The following MARCHF5 variants were observed in gnomAD, a reference collection of about 807,000 sequenced individuals.
The protein encoded by MARCHF5 is E3 ubiquitin-protein ligase MARCHF5.
In MARCHF5, 5 loss-of-function variants were observed where a neutral mutation model predicts 36.5. The observed-to-expected ratio is 0.14, with a 90% CI of 0.07 to 0.29. The LOEUF (loss-of-function observed/expected upper bound fraction) is 0.29, where lower values mean the gene tolerates loss of function less well. Among genes scored for constraint, MARCHF5 ranks in the 10% least tolerant of loss-of-function variants. MARCHF5 has a pLI of 1.00. For synonymous variants in MARCHF5, 103 were observed against 109.9 expected (o/e 0.94, Z 0.39); for missense variants, 179 against 336.3 (o/e 0.53, Z 3.66).
At chr10:92,295,557 G>A (rs1033169498) in intron 1 of MARCHF5, among the ~76,000 whole-genome samples, 8 of 150,972 alleles carry the variant, frequency 5.3e-5, no homozygotes, top group Admixed American at 1.3e-4. Flanking sequence ...ACAGGCACCC[G>A]CCACTAAGGC....
At chr10:92,309,931 A>G (rs184011558) in intron 1 of MARCHF5, among the ~76,000 whole-genome samples, 7 of 152,286 alleles carry the variant, frequency 4.6e-5, no homozygotes, top group Non-Finnish European at 1.0e-4. Context: ...ATGCTAAACA[A>G]ATGCTACCTA....
At chr10:92,337,184 T>C (rs1843512336) in intron 2 of MARCHF5, among the ~76,000 whole-genome samples, 1 of 150,762 alleles carries the variant, frequency 6.6e-6, no homozygotes, top group Non-Finnish European at 1.5e-5. Context: ...CTAGTGACCT[T>C]GATAAGCAGT....
In MARCHF5 at chr10:92,314,748, GCC is replaced by G. The variant is rs869277487; in HGVS notation, c.238+3419_238+3420del. ...GTATTTGCTGCTGCTGCTTCCCCCC[GCC>G]CCCCCCCGCCAATAGAGGTTGGGTC... On this transcript the variant is annotated intron_variant, in intron 2 of 5. Coordinates refer to ENST00000358935, the MANE Select transcript of MARCHF5 (RefSeq NM_017824.5). Among the ~76,000 whole-genome samples, 18 of 10,664 alleles carry G rather than the reference GCC, an allele frequency of 1.7e-3. 1 individual carries two copies. The highest frequency in any genetic ancestry group is 0.012 in the South Asian group (2 of 168). The allele number at this position is 10,664 out of a possible 152,430, so 7.0% of individuals were successfully genotyped here.
rs1476799658 is a variant in MARCHF5, at chr10:92,351,120, A to T, written c.750A>T (p.Gly250=). 6.2e-7 allele frequency: 1 copy of T among 1,612,490 alleles called. No homozygotes were observed. The highest frequency in any genetic ancestry group is 1.7e-5 in the Admixed American group (1 of 59,898). Reference sequence around the variant, plus strand: ...GAATTGCGTTTGTTGCCATAAAAGGAGCATTTAAAGTTTACTTCAAACAGC... The same window carrying T: ...GAATTGCGTTTGTTGCCATAAAAGGTGCATTTAAAGTTTACTTCAAACAGC... ...LGGIAFVAIK[G]AFKVYFKQQQ... is the part of the protein sequence containing the mutation. The change falls in exon 6 of 6, where the codon GGA becomes GGT. Residue 250 remains glycine, a synonymous_variant. Transcript: ENST00000358935.
chr10:92,309,837 A>T (rs1245601142), intron 1 of MARCHF5, among the ~76,000 whole-genome samples: 6 of 152,220 alleles, frequency 3.9e-5, no homozygotes, highest in East Asian at 1.9e-4. Context: ...AAAATTTTTT[A>T]AAAAAGAACA....
chr10:92,291,711 T>A (rs960605213), intron 1 of MARCHF5, 182 bp downstream of exon 1: 2 of 501,730 alleles, frequency 4.0e-6, no homozygotes, highest in Non-Finnish European at 5.2e-6. Context: ...GCGAGCGGCC[T>A]GGGTCGTAGA....
chr10:92,336,203 T>C (rs1247147941), intron 2 of MARCHF5, among the ~76,000 whole-genome samples: 1 of 152,124 alleles, frequency 6.6e-6, no homozygotes, highest in Admixed American at 6.5e-5. Flanking sequence ...GCCCGGCTAA[T>C]TGTTTGTATT....
chr10:92,303,319 A>G (rs532071570), intron 1 of MARCHF5, among the ~76,000 whole-genome samples: 29 of 152,332 alleles, frequency 1.9e-4, no homozygotes, highest in African/African-American at 7.0e-4. Flanking sequence ...ACATTGGTCT[A>G]TGAATATATG....
rs149447645 is a variant in MARCHF5, at chr10:92,313,559, A to G, written c.238+2222A>G. On this transcript the variant is annotated intron_variant, in intron 2 of 5. Transcript: ENST00000358935. ...GGCAGAGCTTGCAGTGAGCCAAGAT[A>G]GCGCCACAGCACTCCAGCCTGGGAG... Among the ~76,000 whole-genome samples the G allele has an allele frequency of 5.3e-3, 804 of 151,402 alleles. 8 individuals carry two copies. Among genetic ancestry groups the G allele is most frequent in the African/African-American group, 0.019 (764 of 41,214 alleles).
intron 2 of MARCHF5, among the ~76,000 whole-genome samples, chr10:92,314,743 C>CT (rs1843187300): frequency 1.0e-5 from 1 of 95,422 alleles, no homozygotes; most frequent in Non-Finnish European, 1.8e-5. Flanking sequence ...CTGCTGCTTC[C>CT]CCCCGCCCCC....
chr10:92,339,396 G>A (rs1002444255), intron 2 of MARCHF5, among the ~76,000 whole-genome samples: 17 of 149,970 alleles, frequency 1.1e-4, no homozygotes, highest in Admixed American at 4.0e-4. Context: ...CTGGCTGGGT[G>A]CGGTGGCTCA....
At chr10:92,329,703 T>G (rs1843414629) in intron 2 of MARCHF5, among the ~76,000 whole-genome samples, 1 of 152,234 alleles carries the variant, frequency 6.6e-6, no homozygotes, top group Non-Finnish European at 1.5e-5. Context: ...CACTTAGCCT[T>G]CAGAGAAATG....
At chr10:92,333,726 A>G (rs1007574113) in intron 2 of MARCHF5, 18 of 875,538 alleles carry the variant, frequency 2.1e-5, no homozygotes, top group Non-Finnish European at 2.5e-5. Flanking sequence ...TTTGCTGAGA[A>G]GTTGGATTTT....
intron 2 of MARCHF5, among the ~76,000 whole-genome samples, chr10:92,323,555 C>T (rs1449214998): frequency 6.6e-6 from 1 of 152,196 alleles, no homozygotes; most frequent in Non-Finnish European, 1.5e-5. Context: ...TAAAAATCCT[C>T]TATGCTCCAT....
chr10:92,309,239 G>C (rs559276003), intron 1 of MARCHF5, among the ~76,000 whole-genome samples: 1 of 152,130 alleles, frequency 6.6e-6, no homozygotes, highest in African/African-American at 2.4e-5. Flanking sequence ...ATAATAAAAT[G>C]TTTGGGAAAA....
At chr10:92,291,829 C>T (rs985778219) in intron 1 of MARCHF5, among the ~76,000 whole-genome samples, 1 of 147,708 alleles carries the variant, frequency 6.8e-6, no homozygotes, top group African/African-American at 2.7e-5. Context: ...TTACCCTCTT[C>T]CCCTCCCCCT....
chr10:92,291,710 C>CTGGGT, intron 1 of MARCHF5, 181 bp downstream of exon 1: 1 of 516,632 alleles, frequency 1.9e-6, no homozygotes, highest in Non-Finnish European at 2.5e-6. Context: ...AGCGAGCGGC[C>CTGGGT]TGGGTCGTAG....
intron 1 of MARCHF5, among the ~76,000 whole-genome samples, chr10:92,310,338 T>G (rs1843128774): frequency 6.6e-6 from 1 of 152,140 alleles, no homozygotes; most frequent in South Asian, 2.1e-4. Context: ...ATGTCAAAAC[T>G]TGTGTTAATT....
At chr10:92,293,052 T>C (rs1842908234) in intron 1 of MARCHF5, among the ~76,000 whole-genome samples, 1 of 152,182 alleles carries the variant, frequency 6.6e-6, no homozygotes, top group Non-Finnish European at 1.5e-5. Context: ...TTAATTTTTT[T>C]CCTTTGAGGG....
Sources: gnomAD v4.1 joint callset for allele counts (sites outside exome capture counted in the v4.1 genomes callset) on GRCh38, gnomAD v4.1.1 for gene constraint, MANE v1.5 for transcripts, NCBI Gene and HGNC (gene_info 2026-07-23, HGNC 2026-07-21) for gene names.